The following AGBL4 variants were observed in gnomAD, a reference collection of about 807,000 sequenced individuals.
The protein encoded by AGBL4 is cytosolic carboxypeptidase 6.
AGBL4 carries 58 observed loss-of-function variants against 66.4 expected under a neutral mutation model. The observed-to-expected ratio is 0.87, with a 90% CI of 0.71 to 1.09. The LOEUF (loss-of-function observed/expected upper bound fraction) is 1.09. Among genes scored for constraint, AGBL4 ranks in the 50% least tolerant of loss-of-function variants. AGBL4 has a pLI of 0.00. For synonymous variants in AGBL4, 234 were observed against 222.9 expected (o/e 1.05, Z -0.44); for missense variants, 579 against 631.0 (o/e 0.92, Z 0.88).
Position 48,587,039 on chromosome 1 carries a change from C to T in AGBL4, c.1232G>A (p.Gly411Asp), listed in dbSNP as rs1350493890. 5.0e-6 allele frequency: 8 copies of T among 1,609,184 alleles called. No individual in the cohort carries two copies. The East Asian group carries it at 8.9e-5, about 18-fold the overall frequency. Residue 411 changes from glycine (G) to aspartate (D), a missense_variant, in exon 11 of 14, where the codon GGC becomes GAC. Coordinates refer to ENST00000371839, the MANE Select transcript of AGBL4 (RefSeq NM_032785.4). Reference sequence around the variant, plus strand: ...AGTGTAGGGCACAGCAGCCGTGGTGCCACTGATGATGTAGCTGTAGAAGGA... The same window carrying T: ...AGTGTAGGGCACAGCAGCCGTGGTGTCACTGATGATGTAGCTGTAGAAGGA... The part of the protein sequence containing the change: ...EVSFYSYIIS[G>D]TTAAVPYTEE...
chr1:49,302,925 C>T (rs979484755), intron 3 of AGBL4, among the ~76,000 whole-genome samples: 3 of 151,828 alleles, frequency 2.0e-5, no homozygotes, highest in Admixed American at 1.3e-4. Context: ...TTTGGTTTTC[C>T]GTTCCTGTGT....
intron 6 of AGBL4, among the ~76,000 whole-genome samples, chr1:48,851,143 GAT>G (rs1205107741): frequency 6.6e-6 from 1 of 152,084 alleles, no homozygotes. Flanking sequence ...AACACTTTTT[GAT>G]ATTTGTCCTG....
intron 2 of AGBL4, among the ~76,000 whole-genome samples, chr1:49,793,290 A>G (rs1022453515): frequency 6.6e-6 from 1 of 152,032 alleles, no homozygotes; most frequent in African/African-American, 2.4e-5. Context: ...TATCAACTAC[A>G]AAATTAAGTT....
intron 2 of AGBL4, among the ~76,000 whole-genome samples, chr1:49,846,788 CA>C (rs1283727746): frequency 6.6e-5 from 10 of 151,984 alleles, no homozygotes; most frequent in Non-Finnish European, 1.3e-4. Context: ...ATGACATAAA[CA>C]CATGAAAAAA....
At chr1:49,439,844 C>T (rs1253291772) in intron 3 of AGBL4, among the ~76,000 whole-genome samples, 1 of 152,172 alleles carries the variant, frequency 6.6e-6, no homozygotes, top group Non-Finnish European at 1.5e-5. Flanking sequence ...TATTGTGAGA[C>T]CTCGTGATCA....
chr1:49,794,990 A>G (rs1337366441), intron 2 of AGBL4, among the ~76,000 whole-genome samples: 2 of 151,994 alleles, frequency 1.3e-5, no homozygotes, highest in African/African-American at 4.8e-5. Context: ...ATTGGAAAAT[A>G]ATCAGACAAA....
At chr1:49,065,859 G>A (rs573615892) in intron 4 of AGBL4, among the ~76,000 whole-genome samples, 1 of 152,328 alleles carries the variant, frequency 6.6e-6, no homozygotes, top group Admixed American at 6.5e-5. Flanking sequence ...CTTTCTGAGA[G>A]TTCTAGGAGG....
intron 3 of AGBL4, among the ~76,000 whole-genome samples, chr1:49,523,736 TTAGA>T (rs2148803568): frequency 6.6e-6 from 1 of 152,196 alleles, no homozygotes; most frequent in Non-Finnish European, 1.5e-5. Context: ...AATAAATCAA[TTAGA>T]TAGTTATCAA....
chr1:49,514,061 A>G (rs1234928110), intron 3 of AGBL4, among the ~76,000 whole-genome samples: 2 of 151,972 alleles, frequency 1.3e-5, no homozygotes, highest in Non-Finnish European at 1.5e-5. Flanking sequence ...ATTTTTGTAC[A>G]TTGATTTTGT....
intron 5 of AGBL4, among the ~76,000 whole-genome samples, chr1:49,041,087 A>G (rs1028487219): frequency 3.9e-5 from 6 of 152,098 alleles, no homozygotes; most frequent in Non-Finnish European, 8.8e-5. Context: ...GCATTCTTGG[A>G]TGATATAATT....
At chr1:49,295,160 C>G (rs1434656096) in intron 3 of AGBL4, among the ~76,000 whole-genome samples, 1 of 152,180 alleles carries the variant, frequency 6.6e-6, no homozygotes, top group African/African-American at 2.4e-5. Context: ...CCTATTCATT[C>G]AGTTTCTGTT....
intron 4 of AGBL4, among the ~76,000 whole-genome samples, chr1:49,127,933 A>G (rs914089602): frequency 1.3e-5 from 2 of 152,140 alleles, no homozygotes; most frequent in African/African-American, 2.4e-5. Flanking sequence ...CCCAACAGTC[A>G]ATCAAAAATT....
intron 1 of AGBL4, among the ~76,000 whole-genome samples, chr1:49,937,391 GGA>G (rs1235280285): frequency 6.6e-6 from 1 of 151,722 alleles, no homozygotes; most frequent in Non-Finnish European, 1.5e-5. Flanking sequence ...AATAATAATG[GGA>G]GACTTTAACA....
chr1:49,819,548 T>C (rs1645314719), intron 2 of AGBL4, among the ~76,000 whole-genome samples: 1 of 152,178 alleles, frequency 6.6e-6, no homozygotes, highest in African/African-American at 2.4e-5. Context: ...TTCTGATTCC[T>C]AGATAATACC....
chr1:49,545,777 A>C (rs1180953826), intron 3 of AGBL4, among the ~76,000 whole-genome samples: 3 of 152,234 alleles, frequency 2.0e-5, no homozygotes, highest in Non-Finnish European at 4.4e-5. Flanking sequence ...TCTACTATCA[A>C]ATAAAAGCAA....
chr1:48,941,572 CTCCTTGGGA>C (rs959963448), intron 5 of AGBL4, among the ~76,000 whole-genome samples: 2 of 152,170 alleles, frequency 1.3e-5, no homozygotes, highest in Non-Finnish European at 2.9e-5. Flanking sequence ...ACTTGTAAGA[CTCCTTGGGA>C]TCCTTTAAGC....
intron 3 of AGBL4, among the ~76,000 whole-genome samples, chr1:49,648,114 A>AAGT (rs1207267749): frequency 6.6e-6 from 1 of 152,138 alleles, no homozygotes; most frequent in Non-Finnish European, 1.5e-5. Context: ...CTAATGGGTG[A>AAGT]AGTAGACAAC....
At chr1:48,757,862 C>T (rs1412310167) in intron 6 of AGBL4, among the ~76,000 whole-genome samples, 5 of 152,224 alleles carry the variant, frequency 3.3e-5, no homozygotes, top group Non-Finnish European at 7.3e-5. Context: ...AGCACACTGA[C>T]TCAGAGTTAT....
In AGBL4 at chr1:48,604,669, A is replaced by G. The variant is rs558297454; in HGVS notation, c.952-13684T>C. ...ACATAATCAAATACTTAGGCCCTCT[A>G]TTACAATGTAAATGGGATACTGGCG... On this transcript the variant is annotated intron_variant, in intron 9 of 13. Transcript: ENST00000371839. 2.6e-5 allele frequency among the ~76,000 whole-genome samples: 4 copies of G among 152,274 alleles called. No homozygotes were observed. In the South Asian group the frequency reaches 6.2e-4, roughly 24 times the overall value.
Sources: gnomAD v4.1 joint callset for allele counts (sites outside exome capture counted in the v4.1 genomes callset) on GRCh38, gnomAD v4.1.1 for gene constraint, MANE v1.5 for transcripts, NCBI Gene and HGNC (gene_info 2026-07-23, HGNC 2026-07-21) for gene names.